The following XG variants were observed in gnomAD, a reference collection of about 807,000 sequenced individuals.
XG encodes Xg glycoprotein (Xg blood group).
A neutral mutation model predicts 25.7 loss-of-function variants in XG; 24 were observed. The ratio of observed to expected loss-of-function variants is 0.93; its 90% CI spans 0.68 to 1.31. The LOEUF (loss-of-function observed/expected upper bound fraction) is 1.31, where lower values mean the gene tolerates loss of function less well. XG is among the 40% of genes most tolerant of loss of function. XG has a pLI of 0.00. For synonymous variants in XG, 77 were observed against 69.2 expected (o/e 1.11, Z -0.56); for missense variants, 181 against 187.6 (o/e 0.96, Z 0.21).
At chrX:2,792,763 C>A (rs2086849274) in intron 5 of XG, among the ~76,000 whole-genome samples, 2 of 110,152 alleles carry the variant, frequency 1.8e-5, no homozygotes, top group African/African-American at 3.3e-5. Flanking sequence ...TCTGTGCATG[C>A]TACCTCGACT....
chrX:2,774,085 G>C (rs1411464435), intron 2 of XG, among the ~76,000 whole-genome samples: 1 of 151,968 alleles, frequency 6.6e-6, no homozygotes. Context: ...TTTCAAATAC[G>C]GTGTTTCCTC....
At chrX:2,767,017 G>C (rs1287998012) in intron 1 of XG, among the ~76,000 whole-genome samples, 1 of 152,046 alleles carries the variant, frequency 6.6e-6, no homozygotes, top group Non-Finnish European at 1.5e-5. Flanking sequence ...GGGAGAATGG[G>C]ACTCAGAGAC....
intron 1 of XG, among the ~76,000 whole-genome samples, chrX:2,764,984 T>G (rs773230872): frequency 7.5e-6 from 1 of 132,460 alleles, no homozygotes; most frequent in East Asian, 2.2e-4. Context: ...GGGGTTGTAG[T>G]GAGCCGAGAG....
intron 10 of XG, among the ~76,000 whole-genome samples, chrX:2,812,591 G>A (rs2087068651): frequency 9.0e-6 from 1 of 111,473 alleles, no homozygotes; most frequent in Non-Finnish European, 1.9e-5. Context: ...ACCTTCCCAT[G>A]CGCTCCCTCT....
At chrX:2,768,477 G>GC (rs1569460451) in intron 1 of XG, among the ~76,000 whole-genome samples, 1 of 152,128 alleles carries the variant, frequency 6.6e-6, no homozygotes, top group African/African-American at 2.4e-5. Context: ...GATCAAGAGC[G>GC]CTGGAGGAGG....
intron 3 of XG, among the ~76,000 whole-genome samples, chrX:2,776,975 G>T (rs2051012687): frequency 6.6e-6 from 1 of 152,220 alleles, no homozygotes; most frequent in Non-Finnish European, 1.5e-5. Context: ...TATCAAGCAA[G>T]AATTGAAAAT....
chrX:2,811,357 T>A lies in XG; in HGVS notation c.476T>A (p.Val159Glu), dbSNP rs751261305. Residue 159 changes from valine to glutamate, a missense_variant, in exon 10 of 11, where the codon GTG becomes GAG. Coordinates refer to ENST00000644266, the MANE Select transcript of XG (RefSeq NM_001141919.2). ...GCAGGCAATATGGTAGCAAAAATCG[T>A]GTCTCCCATCGTATCCGTGGTGGTG... The part of the protein sequence containing the change: ...NPEGNMVAKI[V>E]SPIVSVVVVT... The A allele has an allele frequency of 8.3e-7, 1 of 1,208,825 alleles. No homozygotes were observed. Among genetic ancestry groups the A allele is most frequent in the East Asian group, 3.0e-5 (1 of 33,776 alleles).
At chrX:2,759,904 G>C (rs2050526030) in intron 1 of XG, among the ~76,000 whole-genome samples, 1 of 152,204 alleles carries the variant, frequency 6.6e-6, no homozygotes, top group African/African-American at 2.4e-5. Context: ...TGCTGAGGCT[G>C]GGAAACTCTG....
At chrX:2,778,804 C>G (rs551410878) in intron 3 of XG, among the ~76,000 whole-genome samples, 1 of 149,242 alleles carries the variant, frequency 6.7e-6, no homozygotes, top group Non-Finnish European at 1.5e-5. Flanking sequence ...GATGGAGTCT[C>G]GCTCTGTCAC....
intron 4 of XG, among the ~76,000 whole-genome samples, chrX:2,783,773 G>A (rs754160912): frequency 2.7e-5 from 3 of 112,597 alleles, no homozygotes; most frequent in Admixed American, 1.9e-4. Flanking sequence ...TCAGGAGCTC[G>A]AGACCAGCCT....
Position 2,770,592 on chromosome X carries a change from G to C in XG, c.103+1G>C. 6.2e-7 allele frequency: 1 copy of C among 1,613,890 alleles called. No homozygotes were observed. Among genetic ancestry groups the C allele is most frequent in the African/African-American group, 1.3e-5 (1 of 75,000 alleles). ...TTGGCAGATGCCCTTGATGACCCTG[G>C]TAAGTGCCGATATTTCAAGGGGAGC... is the stretch of plus-strand genomic sequence containing the variant. On this transcript the variant is annotated splice_donor_variant, in intron 2 of 10. Transcript: ENST00000644266. LOFTEE classifies it high-confidence loss of function.
intron 7 of XG, among the ~76,000 whole-genome samples, chrX:2,803,728 C>T (rs751869013): frequency 9.0e-6 from 1 of 111,656 alleles, no homozygotes; most frequent in East Asian, 2.8e-4. Context: ...ATGTCTCAAA[C>T]ACCGCGCTTA....
intron 8 of XG, among the ~76,000 whole-genome samples, chrX:2,807,222 C>T (rs1031009356): frequency 8.9e-6 from 1 of 112,938 alleles, no homozygotes; most frequent in African/African-American, 3.2e-5. Context: ...TGTGTGCATG[C>T]TTGTGCTTGG....
chrX:2,772,971 A>G (rs142162416), intron 2 of XG, among the ~76,000 whole-genome samples: 4,226 of 151,240 alleles, frequency 0.028, 97 homozygotes, highest in Middle Eastern at 0.055. Context: ...TTCACTGTCT[A>G]TACTGCCTGG....
chrX:2,787,480 G>A (rs2086795675), intron 4 of XG, among the ~76,000 whole-genome samples: 1 of 111,525 alleles, frequency 9.0e-6, no homozygotes, highest in Non-Finnish European at 1.9e-5. Flanking sequence ...ACCAAGCCAC[G>A]AATATGCAGC....
chrX:2,813,106 A>G (rs184727535), intron 10 of XG, among the ~76,000 whole-genome samples: 107 of 112,034 alleles, frequency 9.6e-4, no homozygotes, highest in African/African-American at 3.4e-3. Context: ...CTAAAGAGGT[A>G]TAATGTCTTG....
At chrX:2,802,673 G>A (rs1032775204) in intron 7 of XG, among the ~76,000 whole-genome samples, 1 of 109,468 alleles carries the variant, frequency 9.1e-6, no homozygotes, top group Admixed American at 9.8e-5. Flanking sequence ...TCTGGGTGGC[G>A]CCGGCTGGTG....
At chrX:2,812,592 C>T (rs1603458055) in intron 10 of XG, among the ~76,000 whole-genome samples, 1 of 111,593 alleles carries the variant, frequency 9.0e-6, no homozygotes, top group Non-Finnish European at 1.9e-5. Context: ...CCTTCCCATG[C>T]GCTCCCTCTG....
At chrX:2,778,067 A>G (rs1163598440) in intron 3 of XG, among the ~76,000 whole-genome samples, 1 of 152,246 alleles carries the variant, frequency 6.6e-6, no homozygotes. Context: ...GGTGCAAACA[A>G]CTTTGAGGCC....
Sources: gnomAD v4.1 joint callset for allele counts (sites outside exome capture counted in the v4.1 genomes callset) on GRCh38, gnomAD v4.1.1 for gene constraint, MANE v1.5 for transcripts, NCBI Gene and HGNC (gene_info 2026-07-23, HGNC 2026-07-21) for gene names.